Variants in PCDHA3 observed in about 807,000 individuals in gnomAD.
The protein encoded by PCDHA3 is protocadherin alpha 3, also known as protocadherin alpha-3.
A neutral mutation model predicts 62.2 loss-of-function variants in PCDHA3; 41 were observed. That is an observed-to-expected ratio of 0.66 (90% CI 0.51 to 0.86). The LOEUF (loss-of-function observed/expected upper bound fraction) is 0.86, where lower values mean the gene tolerates loss of function less well. PCDHA3 is among the 40% of genes least tolerant of loss of function. The pLI is 0.00. For missense variants in PCDHA3, 1,304 were observed against 1,241.2 expected, an observed-to-expected ratio of 1.05 and a Z score of -0.76; for synonymous variants, 640 against 555.4, an observed-to-expected ratio of 1.15 and a Z score of -2.14.
At chr5:140,853,997 T>C in intron 1 of PCDHA3, 1 of 465,218 alleles carries the variant, frequency 2.1e-6, no homozygotes, top group Non-Finnish European at 2.9e-6. Flanking sequence ...GACTCATCTC[T>C]GCCAAAAAAA....
chr5:140,928,846 C>T, intron 1 of PCDHA3: 1 of 1,614,192 alleles, frequency 6.2e-7, no homozygotes, highest in Non-Finnish European at 8.5e-7. Context: ...CTCTGTCACT[C>T]TGGGTGTGCT....
intron 1 of PCDHA3, among the ~76,000 whole-genome samples, chr5:140,960,030 C>T (rs75063622): frequency 0.012 from 1,781 of 152,150 alleles, 34 homozygotes; most frequent in African/African-American, 0.039. Flanking sequence ...TTGTTAAGTC[C>T]GGCTGTTTAT....
At chr5:140,969,045 C>A (rs782611179) in intron 1 of PCDHA3, 1 of 1,614,090 alleles carries the variant, frequency 6.2e-7, no homozygotes, top group Admixed American at 1.7e-5. Context: ...TACAAACAAG[C>A]CAACAACAAT....
chr5:140,927,670 C>A lies in PCDHA3; in HGVS notation c.2395-51279C>A, dbSNP rs1006141153. ...GTTATTCCGAGTTCAAGCCTTGGATCCAGATGAAGGGTCCAATGGGGAAGT... is the reference window on the plus strand; with the variant it reads ...GTTATTCCGAGTTCAAGCCTTGGATACAGATGAAGGGTCCAATGGGGAAGT... On this transcript the variant is annotated intron_variant, in intron 1 of 3. Transcript: ENST00000522353. 2.5e-6 allele frequency: 4 copies of A among 1,614,166 alleles called. No homozygotes were observed. The highest frequency in any genetic ancestry group is 3.4e-6 in the Non-Finnish European group (4 of 1,180,028).
At chr5:140,884,469 C>T (rs371718634) in intron 1 of PCDHA3, 1 of 1,613,766 alleles carries the variant, frequency 6.2e-7, no homozygotes, top group Admixed American at 1.7e-5. Flanking sequence ...GCGTGCGCGC[C>T]GGGCAAGCCC....
chr5:140,851,627 C>G (rs1278178767), intron 1 of PCDHA3: 1 of 918,180 alleles, frequency 1.1e-6, no homozygotes, highest in Admixed American at 6.3e-5. Context: ...GCTTTTTAAA[C>G]AAGTGTTTCC....
chr5:140,968,405 G>C (rs2096244938), intron 1 of PCDHA3: 7 of 1,614,002 alleles, frequency 4.3e-6, no homozygotes, highest in Non-Finnish European at 5.9e-6. Flanking sequence ...GGAGTTCTTT[G>C]TGACTGTGGA....
chr5:140,850,117 G>T, intron 1 of PCDHA3: 2 of 1,596,096 alleles, frequency 1.3e-6, no homozygotes, highest in Non-Finnish European at 1.7e-6. Flanking sequence ...CGCGACGCGG[G>T]CGTGCCGCCT....
intron 1 of PCDHA3, among the ~76,000 whole-genome samples, chr5:140,833,648 T>C (rs1554133916): frequency 6.6e-6 from 1 of 152,200 alleles, no homozygotes. Flanking sequence ...GTTCACATGA[T>C]ACAAATTCTT....
rs1432182351 is a variant in PCDHA3 at position 140,843,140 on chromosome 5, C to T, written c.2394+39549C>T. 4 of 1,596,022 alleles carry T rather than the reference C, an allele frequency of 2.5e-6. No homozygotes were observed. The East Asian group carries it at 8.9e-5, about 36-fold the overall frequency. On this transcript the variant is annotated intron_variant, in intron 1 of 3. Transcript: ENST00000522353. The stretch of plus-strand genomic sequence containing the variant: ...CGCCGACTCGGGCTACAACGCGTGG[C>T]TTTCGTATGAGCTGCAGCCAGCTGC...
At chr5:140,907,712 T>A (rs1562961756) in intron 1 of PCDHA3, among the ~76,000 whole-genome samples, 1 of 152,198 alleles carries the variant, frequency 6.6e-6, no homozygotes, top group African/African-American at 2.4e-5. Context: ...GCTGAGCCCA[T>A]GTGTAACCTC....
chr5:140,995,764 G>C (rs2097697128), intron 3 of PCDHA3, among the ~76,000 whole-genome samples: 1 of 152,134 alleles, frequency 6.6e-6, no homozygotes, highest in Non-Finnish European at 1.5e-5. Flanking sequence ...AGAAAATGTG[G>C]AGAGTGAAGG....
intron 1 of PCDHA3, among the ~76,000 whole-genome samples, chr5:140,922,833 T>C (rs1443634582): frequency 6.6e-6 from 1 of 152,332 alleles, no homozygotes; most frequent in Admixed American, 6.5e-5. Flanking sequence ...TGCTAATAGA[T>C]GTCCTCAAAG....
chr5:140,953,778 A>G (rs782648195), intron 1 of PCDHA3, among the ~76,000 whole-genome samples: 1 of 151,986 alleles, frequency 6.6e-6, no homozygotes, highest in Non-Finnish European at 1.5e-5. Flanking sequence ...ATATTTATTT[A>G]TTTTTTTCTT....
Position 140,802,224 on chromosome 5 carries a change from A to G in PCDHA3, c.1027A>G (p.Ile343Val). Residue 343 changes from isoleucine (I) to valine (V), a missense_variant, in exon 1 of 4, where the codon ATC becomes GTC. By Grantham distance (29) the Ile-to-Val change is conservative (BLOSUM62 3). Coordinates refer to ENST00000522353, the MANE Select transcript of PCDHA3 (RefSeq NM_018906.3). ...CACAGTTCTACTCGAAATTGTGGAC[A>G]TCAATGATAATGTACCTGAGTTAGT... ...HCTVLLEIVD[I>V]NDNVPELVIQ... The G allele has an allele frequency of 1.2e-6, 2 of 1,614,250 alleles. No individual in the cohort carries two copies. Among genetic ancestry groups the G allele is most frequent in the African/African-American group, 1.3e-5 (1 of 75,068 alleles).
At chr5:140,842,799 C>G (rs2150344737) in intron 1 of PCDHA3, 2 of 1,594,426 alleles carry the variant, frequency 1.3e-6, no homozygotes, top group Non-Finnish European at 1.7e-6. Context: ...GTGTCCTACT[C>G]GCTTGTGGAG....
At chr5:141,001,455 G>T (rs2098019131) in intron 3 of PCDHA3, among the ~76,000 whole-genome samples, 1 of 152,210 alleles carries the variant, frequency 6.6e-6, no homozygotes, top group Non-Finnish European at 1.5e-5. Flanking sequence ...ACTGTCAATT[G>T]AAGGACTAAG....
rs782446287 is a variant in PCDHA3, at chr5:140,870,927, T to A, written c.2394+67336T>A. The A allele has an allele frequency of 1.9e-6, 3 of 1,613,762 alleles. No homozygotes were observed. The African/African-American group carries it at 4.0e-5, about 22-fold the overall frequency. ...CAGGCTACAACGCGTGGCTTTCATA[T>A]GAATTGCAGCCGGCGGCGGGCGGCT... is the stretch of plus-strand genomic sequence containing the variant. On this transcript the variant is annotated intron_variant, in intron 1 of 3. Transcript: ENST00000522353.
At chr5:140,986,355 T>G (rs1381730343) in intron 3 of PCDHA3, among the ~76,000 whole-genome samples, 6 of 152,154 alleles carry the variant, frequency 3.9e-5, no homozygotes, top group African/African-American at 1.4e-4. Context: ...CTTCTTCAGA[T>G]GGAGGAATGC....
Sources: allele counts gnomAD v4.1 joint callset (sites outside exome capture counted in the v4.1 genomes callset), GRCh38; gene constraint gnomAD v4.1.1; transcripts MANE v1.5; gene names NCBI Gene and HGNC (gene_info 2026-07-23, HGNC 2026-07-21).